Variants in MYO18B observed in about 807,000 individuals in gnomAD.
The protein encoded by MYO18B is myosin XVIIIB.
MYO18B carries 204 observed loss-of-function variants against 273.0 expected under a neutral mutation model. The observed-to-expected ratio is 0.75, with a 90% CI of 0.67 to 0.84. The LOEUF is 0.84. MYO18B is among the 40% of genes least tolerant of loss of function. The pLI is 0.00. For synonymous variants in MYO18B, 1,330 were observed against 1,305.7 expected (o/e 1.02, Z -0.40); for missense variants, 3,212 against 3,287.6 (o/e 0.98, Z 0.56).
At chr22:25,796,952 G>C (rs564260748) in intron 11 of MYO18B, among the ~76,000 whole-genome samples, 1 of 152,306 alleles carries the variant, frequency 6.6e-6, no homozygotes, top group Admixed American at 6.5e-5. Context: ...CTTCCAGACG[G>C]CGTGGTGGCT....
At chr22:25,877,626 G>A (rs2091236242) in intron 24 of MYO18B, among the ~76,000 whole-genome samples, 1 of 152,028 alleles carries the variant, frequency 6.6e-6, no homozygotes, top group South Asian at 2.1e-4. Context: ...GCACCACCAA[G>A]CCTAGCTAAT....
rs73879575 is a variant in MYO18B, at chr22:25,869,171, G to A, written c.3951+786G>A. Among the ~76,000 whole-genome samples the A allele has an allele frequency of 8.8e-3, 1,340 of 152,208 alleles. 14 individuals carry two copies. Among genetic ancestry groups the A allele is most frequent in the African/African-American group, 0.03 (1,244 of 41,514 alleles). Reference sequence around the variant, plus strand: ...AGTTTAGAAATACAAACTAGAGGCCGGGCGTGTTGGCTCATGCCTGTAATT... The same window carrying A: ...AGTTTAGAAATACAAACTAGAGGCCAGGCGTGTTGGCTCATGCCTGTAATT... On this transcript the variant is annotated intron_variant, in intron 22 of 43. Transcript: ENST00000335473.
chr22:25,870,418 T>C (rs1487124711), intron 22 of MYO18B, among the ~76,000 whole-genome samples: 1 of 152,222 alleles, frequency 6.6e-6, no homozygotes, highest in Non-Finnish European at 1.5e-5. Flanking sequence ...AATACAATGG[T>C]AATGACCTGA....
Position 25,832,910 on chromosome 22 carries a change from T to A in MYO18B, c.2980-7T>A, listed in dbSNP as rs1372772522. On this transcript the variant is annotated splice_region_variant and splice_polypyrimidine_tract_variant and intron_variant, in intron 15 of 43. Coordinates refer to ENST00000335473, the MANE Select transcript of MYO18B (RefSeq NM_032608.7). ...AGTGCTAACTTTTAAATCCTGTTATTTTCCAGGAAGGTGTTCCTGTGCAGT... is the reference window on the plus strand; with the variant it reads ...AGTGCTAACTTTTAAATCCTGTTATATTCCAGGAAGGTGTTCCTGTGCAGT... 6.2e-7 allele frequency: 1 copy of A among 1,612,988 alleles called. No individual in the cohort carries two copies. The highest frequency in any genetic ancestry group is 8.5e-7 in the Non-Finnish European group (1 of 1,179,214).
At chr22:26,023,539 A>T (rs1277719689) in intron 42 of MYO18B, among the ~76,000 whole-genome samples, 1 of 140,850 alleles carries the variant, frequency 7.1e-6, no homozygotes, top group Non-Finnish European at 1.5e-5. Flanking sequence ...TCCTCCTGGG[A>T]CTTCTTCACC....
intron 33 of MYO18B, among the ~76,000 whole-genome samples, chr22:25,918,508 A>T (rs1034283215): frequency 1.3e-5 from 2 of 152,194 alleles, no homozygotes; most frequent in Non-Finnish European, 2.9e-5. Flanking sequence ...TAACCTAATG[A>T]GTGATATTTT....
At chr22:25,898,110 C>A in intron 28 of MYO18B, 197 bp from the exon 29 acceptor site, 1 of 570,354 alleles carries the variant, frequency 1.8e-6, no homozygotes, top group South Asian at 2.5e-5. Flanking sequence ...CCCACTTTAC[C>A]TCTGAGCAAA....
At chr22:25,820,146 T>A (rs184465140) in intron 12 of MYO18B, among the ~76,000 whole-genome samples, 1 of 80,922 alleles carries the variant, frequency 1.2e-5, no homozygotes, top group African/African-American at 4.6e-5. Context: ...ACAGGATTTT[T>A]AAAAATTAGC....
intron 17 of MYO18B, among the ~76,000 whole-genome samples, chr22:25,843,427 A>G (rs940997124): frequency 1.3e-5 from 2 of 152,220 alleles, no homozygotes; most frequent in African/African-American, 4.8e-5. Flanking sequence ...TTTAAAGAAA[A>G]CATCAAGTAA....
At chr22:25,892,337 G>A (rs1462340311) in intron 27 of MYO18B, 2 of 152,238 alleles carry the variant, frequency 1.3e-5, no homozygotes, top group Non-Finnish European at 2.9e-5. Flanking sequence ...GCGCACAACA[G>A]TTACCAAATG....
chr22:25,828,509 A>G (rs1435609101), intron 14 of MYO18B, among the ~76,000 whole-genome samples: 1 of 143,322 alleles, frequency 7.0e-6, no homozygotes, highest in African/African-American at 2.6e-5. Flanking sequence ...TAAGCTAGTC[A>G]TTTTTTTTTT....
rs7284395 is a variant in MYO18B at position 26,026,439 on chromosome 22, G to A, written c.6471-6G>A. The A allele has an allele frequency of 3.3e-3, 5,321 of 1,595,112 alleles. 161 individuals are homozygous for A. The African/African-American group carries it at 0.064, about 19-fold the overall frequency. ...TCTACAGACTGCATTTTTCTTCTTG[G>A]CACAGGATAAACGAAGAGGCTGGGG... On this transcript the variant is annotated splice_region_variant and splice_polypyrimidine_tract_variant and intron_variant, in intron 42 of 43. Transcript: ENST00000335473.
At chr22:25,765,081 G>A (rs2086458539) in intron 3 of MYO18B, among the ~76,000 whole-genome samples, 1 of 152,120 alleles carries the variant, frequency 6.6e-6, no homozygotes, top group Non-Finnish European at 1.5e-5. Context: ...TGGTGTCACT[G>A]TGAGCAAGTA....
chr22:25,908,374 A>C lies in MYO18B; in HGVS notation c.5201A>C (p.Lys1734Thr). 1 of 1,603,260 alleles carries C rather than the reference A, an allele frequency of 6.2e-7. No homozygotes were observed. Among genetic ancestry groups the C allele is most frequent in the Non-Finnish European group, 8.5e-7 (1 of 1,175,144 alleles). ...GAGCGGATGAAGCAGATGCACCAGA[A>C]GGACCGTGAGGACCAGGAGGAGGAA... is the stretch of plus-strand genomic sequence containing the variant. Reference protein sequence around the residue: ...EIERMKQMHQKDREDQEEELE... With the variant: ...EIERMKQMHQTDREDQEEELE... The change falls in exon 32 of 44, where the codon AAG (lysine) becomes ACG (threonine). Residue 1734 changes from lysine to threonine, a missense_variant. Coordinates refer to ENST00000335473, the MANE Select transcript of MYO18B (RefSeq NM_032608.7).
intron 39 of MYO18B, among the ~76,000 whole-genome samples, chr22:25,969,961 T>C (rs1168768123): frequency 3.3e-5 from 5 of 151,964 alleles, no homozygotes; most frequent in Non-Finnish European, 5.9e-5. Context: ...TCATCATCAT[T>C]GCCATATCAT....
rs191268630 is a variant in MYO18B at position 25,755,276 on chromosome 22, G to A, written c.-109-5708G>A. On this transcript the variant is annotated intron_variant, in intron 1 of 43. Coordinates refer to ENST00000335473, the MANE Select transcript of MYO18B (RefSeq NM_032608.7). The stretch of plus-strand genomic sequence containing the variant: ...GGCTGGAGTGCAATGGCTCGATCTC[G>A]GCTCACCGCAACCTCCGCCTCCCAG... 1.9e-3 allele frequency among the ~76,000 whole-genome samples: 282 copies of A among 151,800 alleles called. 2 individuals carry two copies. Among genetic ancestry groups the A allele is most frequent in the African/African-American group, 5.9e-3 (244 of 41,352 alleles).
At chr22:25,806,349 C>T (rs2088477422) in intron 12 of MYO18B, among the ~76,000 whole-genome samples, 1 of 152,188 alleles carries the variant, frequency 6.6e-6, no homozygotes, top group African/African-American at 2.4e-5. Flanking sequence ...GGACAGGTGG[C>T]TCCTGGGCTT....
At chr22:25,807,815 G>A (rs2012615) in intron 12 of MYO18B, among the ~76,000 whole-genome samples, 89,070 of 151,722 alleles carry the variant, frequency 0.59, 28,181 homozygotes, top group Non-Finnish European at 0.71. Flanking sequence ...AGCTATTGGC[G>A]TGGCCATATC....
At chr22:25,811,882 G>C (rs2088777968) in intron 12 of MYO18B, among the ~76,000 whole-genome samples, 1 of 152,114 alleles carries the variant, frequency 6.6e-6, no homozygotes, top group Non-Finnish European at 1.5e-5. Flanking sequence ...TTAGGTCAAG[G>C]GTGTGTCCAG....
Sources: allele counts gnomAD v4.1 joint callset (sites outside exome capture counted in the v4.1 genomes callset), GRCh38; gene constraint gnomAD v4.1.1; transcripts MANE v1.5; gene names NCBI Gene and HGNC (gene_info 2026-07-23, HGNC 2026-07-21).